SCN3B: variants seen among roughly 807,000 people sequenced by gnomAD.
SCN3B encodes the protein sodium voltage-gated channel beta subunit 3, also known as sodium channel regulatory subunit beta-3.
In SCN3B, 11 loss-of-function variants were observed where a neutral mutation model predicts 25.4. That is an observed-to-expected ratio of 0.43 (90% CI 0.27 to 0.72). The LOEUF is 0.72. Among genes scored for constraint, SCN3B ranks in the 30% least tolerant of loss-of-function variants. SCN3B has a pLI of 0.18. For synonymous variants in SCN3B, 109 were observed against 110.7 expected, an observed-to-expected ratio of 0.99 and a Z score of 0.09; for missense variants, 218 against 278.3, an observed-to-expected ratio of 0.78 and a Z score of 1.54.
intron 2 of SCN3B, among the ~76,000 whole-genome samples, chr11:123,649,122 A>T (rs1955888704): frequency 6.6e-6 from 1 of 152,246 alleles, no homozygotes; most frequent in Non-Finnish European, 1.5e-5. Context: ...TTTGGTGAAG[A>T]TGACAGTAGA....
chr11:123,644,439 A>G (rs1955823579), intron 3 of SCN3B, among the ~76,000 whole-genome samples: 2 of 152,162 alleles, frequency 1.3e-5, no homozygotes, highest in African/African-American at 2.4e-5. Context: ...CAGTCAGTGA[A>G]GGAGTAAATA....
At chr11:123,638,354 T>C (rs1037043071) in intron 4 of SCN3B, 30 bp from the exon 5 acceptor site, 2 of 1,613,226 alleles carry the variant, frequency 1.2e-6, no homozygotes, top group South Asian at 1.1e-5. Flanking sequence ...GTTCAGAATA[T>C]GCAAATCCAG....
chr11:123,640,465 T>G (rs1397473575), intron 4 of SCN3B: 1 of 124,162 alleles, frequency 8.1e-6, no homozygotes, highest in Non-Finnish European at 1.6e-5. Context: ...CATGGTGGGG[T>G]GGGTGCGTAG....
In SCN3B at chr11:123,638,064, C is replaced by G. The variant is rs531712489; in HGVS notation, c.584+122G>C. 3.7e-5 allele frequency: 44 copies of G among 1,204,826 alleles called. No homozygotes were observed. In the South Asian group the frequency reaches 5.6e-4, roughly 15 times the overall value. The allele number at this position is 1,204,826 out of a possible 1,614,324, so 74.6% of individuals were successfully genotyped here. A position where few individuals can be genotyped will look rare whatever the true frequency, so the allele number is the denominator to read the frequency against. On this transcript the variant is annotated intron_variant, in intron 5 of 6. Coordinates refer to ENST00000299333, the MANE Select transcript of SCN3B (RefSeq NM_001040151.2). The stretch of plus-strand genomic sequence containing the variant: ...AAATGGGTATAATAATGGTGCCTAT[C>G]TCTTAAGCAGTGATCATGAAGAGGG...
chr11:123,634,182 A>C lies in SCN3B; in HGVS notation c.609T>G (p.Ser203=). The C allele has an allele frequency of 4.3e-6, 7 of 1,613,876 alleles. No individual in the cohort carries two copies. The highest frequency in any genetic ancestry group is 5.9e-6 in the Non-Finnish European group (7 of 1,179,888). The change falls in exon 6 of 7, where the codon TCT becomes TCG. Residue 203 remains serine, a synonymous_variant. Transcript: ENST00000299333. ...GTACCGCAGAGTTCTCCTTGTTCTC[A>C]GATGGGATGGCAAGGTAGTCAGACC... The part of the protein sequence containing the change: ...ENASDYLAIP[S]ENKENSAVPV...
At position 123,642,492 on chromosome 11, in the gene SCN3B, G is replaced by T. The variant is rs1955803960; in HGVS notation, c.399C>A (p.Pro133=). 1.2e-6 allele frequency: 2 copies of T among 1,614,194 alleles called. No homozygotes were observed. Among genetic ancestry groups the T allele is most frequent in the Non-Finnish European group, 1.7e-6 (2 of 1,180,044 alleles). Residue 133 remains proline (P), a synonymous_variant, in exon 4 of 7, where the codon CCC becomes CCA. Transcript: ENST00000299333. This position sits in a 1 kb window ranked among gnomAD's most constrained non-coding sequence, Gnocchi z 4.3. ...SREFEFEAHR[P]FVKTTRLIPL... The stretch of plus-strand genomic sequence containing the variant: ...GGATCAGCCGCGTCGTCTTCACAAA[G>T]GGCCGATGCGCCTCAAACTCAAACT...
chr11:123,642,629 A>G lies in SCN3B; in HGVS notation c.262T>C (p.Phe88Leu). The change falls in exon 4 of 7, where the codon TTT becomes CTT. Residue 88 changes from phenylalanine to leucine, a missense_variant. Physicochemically the swap from Phe to Leu is conservative, Grantham distance 22 (BLOSUM62 0). Coordinates refer to ENST00000299333, the MANE Select transcript of SCN3B (RefSeq NM_001040151.2). The surrounding 1 kb of genome is among the most constrained non-coding windows in gnomAD (Gnocchi z 4.3). ...RNGHQEVESP[F>L]QGRLQWNGSK... ...CCATTCCACTGCAGGCGCCCCTGAA[A>G]GGGGCTCTCCACCTCCTGGTGGCCA... The G allele has an allele frequency of 6.2e-7, 1 of 1,614,168 alleles. No homozygotes were observed. The highest frequency in any genetic ancestry group is 1.1e-5 in the South Asian group (1 of 91,074).
intron 5 of SCN3B, among the ~76,000 whole-genome samples, chr11:123,636,725 G>T (rs1016217196): frequency 6.7e-6 from 1 of 149,492 alleles, no homozygotes. Flanking sequence ...ATGGAGTCTC[G>T]CTCTGTCGCC....
chr11:123,647,358 A>G (rs1213908029), intron 2 of SCN3B, among the ~76,000 whole-genome samples: 1 of 152,122 alleles, frequency 6.6e-6, no homozygotes, highest in Non-Finnish European at 1.5e-5. Context: ...GTAACACACA[A>G]CTGTAGTCCC....
chr11:123,640,071 ACTTT>A (rs1419366235), intron 4 of SCN3B: 1 of 152,196 alleles, frequency 6.6e-6, no homozygotes, highest in Non-Finnish European at 1.5e-5. Flanking sequence ...GCCTGCCATA[ACTTT>A]CAGCCCAGAG....
rs772885993 is a variant in SCN3B at position 123,638,245 on chromosome 11, G to A, written c.525C>T (p.Ile175=). 7.4e-6 allele frequency: 12 copies of A among 1,614,080 alleles called. No homozygotes were observed. The highest frequency in any genetic ancestry group is 1.6e-4 in the Middle Eastern group (1 of 6,062). ...LLVFLTLWLL[I]EMIYCYRKVS... is the part of the protein sequence containing the mutation. The stretch of plus-strand genomic sequence containing the variant: ...CCTTTCTGTAGCAATATATCATCTC[G>A]ATGAGCAGCCACAAGGTGAGGAAGA... The change falls in exon 5 of 7, where the codon ATC becomes ATT. Residue 175 remains isoleucine (I), a synonymous_variant. Transcript: ENST00000299333.
chr11:123,632,800 CAAAA>C lies in SCN3B; in HGVS notation c.*995_*998del, dbSNP rs893474072. On this transcript the variant is annotated 3_prime_UTR_variant, in exon 7 of 7. Transcript: ENST00000299333. ...GAGACTCCATCTCAAACAAAAAAAA[CAAAA>C]AACAAAACAAACAAAAACATCCATC... The C allele has an allele frequency of 6.6e-6, 1 of 152,122 alleles. No homozygotes were observed. Among genetic ancestry groups the C allele is most frequent in the African/African-American group, 2.4e-5 (1 of 41,380 alleles). The allele number at this position is 152,122 out of a possible 1,614,324, so 9.4% of individuals were successfully genotyped here.
intron 4 of SCN3B, 174 bp from the exon 5 acceptor site, chr11:123,638,498 A>G (rs1182285671): frequency 2.4e-6 from 2 of 831,894 alleles, no homozygotes; most frequent in African/African-American, 1.7e-5. Flanking sequence ...ACTGACTGTC[A>G]TCAGCTGCTC....
rs1182685608 is a variant in SCN3B at position 123,629,567 on chromosome 11, G to A, written c.*4232C>T. The A allele has an allele frequency of 6.6e-6, 1 of 152,290 alleles. No homozygotes were observed. The highest frequency in any genetic ancestry group is 2.1e-4 in the South Asian group (1 of 4,824). The allele number at this position is 152,290 out of a possible 1,614,324, so 9.4% of individuals were successfully genotyped here. On this transcript the variant is annotated 3_prime_UTR_variant, in exon 7 of 7. Coordinates refer to ENST00000299333, the MANE Select transcript of SCN3B (RefSeq NM_001040151.2). ...AAGTGGGCTGAACTAATCATGAGCT[G>A]TCCACCAGCTGAGATTTTAGAGATT...
At position 123,638,234 on chromosome 11, in the gene SCN3B, T is replaced by C. The variant is rs1179403553; in HGVS notation, c.536A>G (p.Tyr179Cys). The change falls in exon 5 of 7, where the codon TAT (tyrosine) becomes TGT (cysteine). Residue 179 changes from tyrosine to cysteine, a missense_variant. Transcript: ENST00000299333. ...LTLWLLIEMI[Y>C]CYRKVSKAEE... ...GGCTTTTGAGACCTTTCTGTAGCAA[T>C]ATATCATCTCGATGAGCAGCCACAA... 1 of 1,614,186 alleles carries C rather than the reference T, an allele frequency of 6.2e-7. No individual in the cohort carries two copies. The highest frequency in any genetic ancestry group is 2.2e-5 in the East Asian group (1 of 44,888).
chr11:123,651,141 TA>T (rs1332092887), intron 2 of SCN3B, among the ~76,000 whole-genome samples: 2 of 151,656 alleles, frequency 1.3e-5, no homozygotes, highest in African/African-American at 2.4e-5. Flanking sequence ...TATTATTTTT[TA>T]AATCTCTTTA....
Position 123,630,634 on chromosome 11 carries a change from C to T in SCN3B, c.*3165G>A, listed in dbSNP as rs576029021. 1 of 152,500 alleles carries T rather than the reference C, an allele frequency of 6.6e-6. No individual in the cohort carries two copies. The highest frequency in any genetic ancestry group is 2.1e-4 in the South Asian group (1 of 4,822). 9.4% of individuals were successfully genotyped at this position (152,500 alleles called of 1,614,324 possible). On this transcript the variant is annotated 3_prime_UTR_variant, in exon 7 of 7. Transcript: ENST00000299333. ...GTGATCACAGTACCTTATTGATTTACAGTCATTATCAAATCTCCCAGGAAG... is the reference window on the plus strand; with the variant it reads ...GTGATCACAGTACCTTATTGATTTATAGTCATTATCAAATCTCCCAGGAAG...
intron 5 of SCN3B, among the ~76,000 whole-genome samples, 172 bp from the exon 6 acceptor site, chr11:123,634,378 C>T (rs993702978): frequency 1.3e-5 from 2 of 152,202 alleles, no homozygotes; most frequent in East Asian, 1.9e-4. Context: ...TAATCATTTC[C>T]CCCATATATG....
In SCN3B at chr11:123,642,606, A is replaced by G; in HGVS notation, c.285T>C (p.Asn95=). 2 of 1,612,424 alleles carry G rather than the reference A, an allele frequency of 1.2e-6. No homozygotes were observed. The highest frequency in any genetic ancestry group is 1.7e-6 in the Non-Finnish European group (2 of 1,179,242). Residue 95 remains asparagine, a synonymous_variant, in exon 4 of 7, where the codon AAT becomes AAC. Coordinates refer to ENST00000299333, the MANE Select transcript of SCN3B (RefSeq NM_001040151.2). This position sits in a 1 kb window ranked among gnomAD's most constrained non-coding sequence, Gnocchi z 4.3. ...ESPFQGRLQW[N]GSKDLQDVSI... Reference sequence around the variant, plus strand: ...ACACGTCCTGCAGGTCCTTGCTGCCATTCCACTGCAGGCGCCCCTGAAAGG... The same window carrying G: ...ACACGTCCTGCAGGTCCTTGCTGCCGTTCCACTGCAGGCGCCCCTGAAAGG...
Sources: gnomAD v4.1 joint callset for allele counts (sites outside exome capture counted in the v4.1 genomes callset) on GRCh38, gnomAD v4.1.1 for gene constraint, Gnocchi (gnomAD v3.1) non-coding constraint, MANE v1.5 for transcripts, NCBI Gene and HGNC (gene_info 2026-07-23, HGNC 2026-07-21) for gene names.